The following SPOCK1 variants were observed in gnomAD, a reference collection of about 807,000 sequenced individuals.
The protein encoded by SPOCK1 is SPARC (osteonectin), cwcv and kazal like domains proteoglycan 1.
In SPOCK1, 23 loss-of-function variants were observed where a neutral mutation model predicts 55.3. The ratio of observed to expected loss-of-function variants is 0.42; its 90% CI spans 0.30 to 0.59. The LOEUF (loss-of-function observed/expected upper bound fraction) is 0.59, where lower values mean the gene tolerates loss of function less well. Ranked by LOEUF, SPOCK1 falls within the 20% of genes least tolerant of loss-of-function variation. The pLI is 0.22. For missense variants in SPOCK1, 499 were observed against 552.5 expected (o/e 0.90, Z 0.97); for synonymous variants, 226 against 221.0 (o/e 1.02, Z -0.20).
chr5:137,171,828 C>T (rs11242370), intron 3 of SPOCK1, among the ~76,000 whole-genome samples: 2 of 151,956 alleles, frequency 1.3e-5, no homozygotes, highest in African/African-American at 4.8e-5. Context: ...TCTGAGAGGG[C>T]AACATCAGTA....
In SPOCK1 at chr5:136,988,655, A is replaced by G; in HGVS notation, c.707-12T>C. On this transcript the variant is annotated splice_polypyrimidine_tract_variant and intron_variant, in intron 7 of 10. Transcript: ENST00000394945. ...GCTAGTGTCAAACCCTGCCAAACAA[A>G]AGGCATATCTCAGCTGCCACCAAGC... The G allele has an allele frequency of 6.2e-7, 1 of 1,606,742 alleles. No homozygotes were observed. Among genetic ancestry groups the G allele is most frequent in the South Asian group, 1.1e-5 (1 of 90,422 alleles).
chr5:137,293,874 G>A (rs1248068750), intron 2 of SPOCK1, among the ~76,000 whole-genome samples: 9 of 152,232 alleles, frequency 5.9e-5, no homozygotes, highest in Admixed American at 2.6e-4. Context: ...AAAATTAGCC[G>A]GGCGTGGTGG....
chr5:136,999,149 G>A (rs1055754727), intron 6 of SPOCK1, among the ~76,000 whole-genome samples: 1 of 152,178 alleles, frequency 6.6e-6, no homozygotes, highest in Non-Finnish European at 1.5e-5. Flanking sequence ...CATGAGGAAC[G>A]CAGCTGATGG....
intron 6 of SPOCK1, among the ~76,000 whole-genome samples, chr5:137,012,586 C>T (rs1216156097): frequency 6.6e-6 from 1 of 152,078 alleles, no homozygotes; most frequent in Non-Finnish European, 1.5e-5. Context: ...TCAAAGTTTG[C>T]CCCAAGGCTG....
intron 6 of SPOCK1, among the ~76,000 whole-genome samples, chr5:137,055,651 G>C (rs1450732155): frequency 6.6e-6 from 1 of 152,200 alleles, no homozygotes; most frequent in East Asian, 1.9e-4. Flanking sequence ...AATGTTCTGT[G>C]TTCTCACAAG....
At chr5:137,352,044 T>C (rs1387923773) in intron 2 of SPOCK1, among the ~76,000 whole-genome samples, 1 of 152,168 alleles carries the variant, frequency 6.6e-6, no homozygotes, top group Non-Finnish European at 1.5e-5. Context: ...CAGGATAAGG[T>C]TGGAATCCTC....
chr5:137,027,389 G>T (rs1751698548), intron 6 of SPOCK1, among the ~76,000 whole-genome samples: 1 of 152,176 alleles, frequency 6.6e-6, no homozygotes, highest in Non-Finnish European at 1.5e-5. Flanking sequence ...GAATCCCAAA[G>T]TGGCTTCTTT....
rs183546695 is a variant in SPOCK1, at chr5:136,995,113, A to C, written c.590-2513T>G. ...CCACACTGGACAGCACAGACGCAGA[A>C]TCTTCCCACCGCAGCAGGGTGTCGT... is the stretch of plus-strand genomic sequence containing the variant. On this transcript the variant is annotated intron_variant, in intron 6 of 10. Transcript: ENST00000394945. 1.3e-5 allele frequency among the ~76,000 whole-genome samples: 2 copies of C among 152,328 alleles called. 1 individual carries two copies. Among genetic ancestry groups the C allele is most frequent in the Admixed American group, 1.3e-4 (2 of 15,302 alleles).
At chr5:137,153,316 C>T (rs867666256) in intron 3 of SPOCK1, among the ~76,000 whole-genome samples, 1 of 152,178 alleles carries the variant, frequency 6.6e-6, no homozygotes, top group African/African-American at 2.4e-5. Flanking sequence ...CTGTGAGAAT[C>T]CCTGGAGTAT....
chr5:137,128,237 T>C (rs900235083), intron 4 of SPOCK1, among the ~76,000 whole-genome samples: 2 of 152,328 alleles, frequency 1.3e-5, no homozygotes, highest in South Asian at 2.1e-4. Flanking sequence ...TACCCTGACC[T>C]TGGATTTTCG....
At chr5:137,490,525 C>A (rs1052405517) in intron 2 of SPOCK1, among the ~76,000 whole-genome samples, 8 of 152,216 alleles carry the variant, frequency 5.3e-5, no homozygotes, top group Admixed American at 3.9e-4. Flanking sequence ...GGATCCCATC[C>A]CCTGGTGCCC....
At chr5:137,165,429 C>T (rs1373561969) in intron 3 of SPOCK1, among the ~76,000 whole-genome samples, 1 of 152,146 alleles carries the variant, frequency 6.6e-6, no homozygotes, top group African/African-American at 2.4e-5. Flanking sequence ...ATCTGAAAAG[C>T]CTTCCCAAGA....
At chr5:137,422,722 G>A (rs1369898417) in intron 2 of SPOCK1, among the ~76,000 whole-genome samples, 1 of 152,128 alleles carries the variant, frequency 6.6e-6, no homozygotes, top group Non-Finnish European at 1.5e-5. Context: ...TCTTTGCCAT[G>A]GCTTTGAACT....
At chr5:137,060,164 C>T (rs1469605441) in intron 6 of SPOCK1, among the ~76,000 whole-genome samples, 2 of 152,186 alleles carry the variant, frequency 1.3e-5, no homozygotes, top group Non-Finnish European at 2.9e-5. Context: ...TTCATCACAG[C>T]ACTATTCACA....
At chr5:137,097,661 G>T (rs1753179049) in intron 5 of SPOCK1, among the ~76,000 whole-genome samples, 1 of 152,130 alleles carries the variant, frequency 6.6e-6, no homozygotes, top group Non-Finnish European at 1.5e-5. Context: ...CTTCCTATTG[G>T]AGCCTCACAG....
intron 6 of SPOCK1, among the ~76,000 whole-genome samples, chr5:137,015,411 C>T (rs942855525): frequency 9.2e-5 from 14 of 152,146 alleles, no homozygotes; most frequent in African/African-American, 3.4e-4. Context: ...GATTGCGCCA[C>T]TGCACTCTAG....
chr5:137,334,019 G>C (rs145759527), intron 2 of SPOCK1, among the ~76,000 whole-genome samples: 1 of 152,116 alleles, frequency 6.6e-6, no homozygotes, highest in Admixed American at 6.6e-5. Flanking sequence ...GAGTTTAAAG[G>C]GTGCCCCGTC....
intron 6 of SPOCK1, among the ~76,000 whole-genome samples, chr5:137,007,127 T>A (rs1382883820): frequency 6.6e-6 from 1 of 152,100 alleles, no homozygotes; most frequent in East Asian, 1.9e-4. Flanking sequence ...TTACACCTCA[T>A]ACAAAAATTA....
intron 2 of SPOCK1, among the ~76,000 whole-genome samples, chr5:137,477,769 C>G (rs896805587): frequency 6.6e-6 from 1 of 152,190 alleles, no homozygotes; most frequent in Non-Finnish European, 1.5e-5. Flanking sequence ...TCAGCTCAGA[C>G]AGCACCTGAA....
Sources: allele counts gnomAD v4.1 joint callset (sites outside exome capture counted in the v4.1 genomes callset), GRCh38; gene constraint gnomAD v4.1.1; transcripts MANE v1.5; gene names NCBI Gene and HGNC (gene_info 2026-07-23, HGNC 2026-07-21).